GRK5: variants seen among roughly 807,000 people sequenced by gnomAD.
The protein encoded by GRK5 is g protein-coupled receptor kinase GRK5.
Under a neutral mutation model 78.4 loss-of-function variants are expected in GRK5, and 40 were observed. The observed-to-expected ratio is 0.51, with a 90% confidence interval of 0.40 to 0.66. The LOEUF is 0.66. GRK5 is among the 30% of genes least tolerant of loss of function. The pLI is 0.00. For synonymous variants in GRK5, 289 were observed against 296.8 expected (o/e 0.97, Z 0.27); for missense variants, 598 against 759.9 (o/e 0.79, Z 2.50).
intron 1 of GRK5, among the ~76,000 whole-genome samples, chr10:119,326,089 C>T (rs1383781285): frequency 6.6e-6 from 1 of 152,238 alleles, no homozygotes; most frequent in Non-Finnish European, 1.5e-5. Context: ...CCACAGAAAG[C>T]AAGAGGACAA....
At chr10:119,222,176 A>G (rs74681894) in intron 1 of GRK5, among the ~76,000 whole-genome samples, 2,111 of 152,296 alleles carry the variant, frequency 0.014, 21 homozygotes, top group Non-Finnish European at 0.02. Context: ...CCAAGATCAC[A>G]TACCAAGGAG....
At chr10:119,364,071 C>T (rs750671945) in intron 2 of GRK5, among the ~76,000 whole-genome samples, 2 of 152,158 alleles carry the variant, frequency 1.3e-5, no homozygotes, top group Non-Finnish European at 2.9e-5. Flanking sequence ...GCAGGGGTGG[C>T]GGGTATTTCT....
intron 1 of GRK5, among the ~76,000 whole-genome samples, chr10:119,221,157 GA>G (rs74495139): frequency 1.1e-3 from 160 of 144,448 alleles, no homozygotes; most frequent in African/African-American, 2.5e-3. Flanking sequence ...CTATATCTCG[GA>G]AAAAAAAAAA....
At chr10:119,427,562 G>GCCATCATCAGCACCACCA (rs1564931070) in intron 6 of GRK5, among the ~76,000 whole-genome samples, 17 of 147,528 alleles carry the variant, frequency 1.2e-4, no homozygotes, top group Non-Finnish European at 2.4e-4. Context: ...CAGTATCACC[G>GCCATCATCAGCACCACCA]CCATCATCAG....
intron 1 of GRK5, among the ~76,000 whole-genome samples, chr10:119,322,378 G>T (rs1563285): frequency 1.6e-4 from 24 of 152,308 alleles, no homozygotes; most frequent in African/African-American, 5.8e-4. Flanking sequence ...CCACCCAGTG[G>T]TGACAATTAA....
intron 4 of GRK5, among the ~76,000 whole-genome samples, chr10:119,409,725 C>T (rs1025520401): frequency 6.6e-6 from 1 of 152,184 alleles, no homozygotes; most frequent in African/African-American, 2.4e-5. Flanking sequence ...CCCCCCAACC[C>T]CTTTATTTTG....
chr10:119,385,149 G>A (rs78742752), intron 3 of GRK5, among the ~76,000 whole-genome samples: 7,761 of 152,206 alleles, frequency 0.051, 348 homozygotes, highest in East Asian at 0.22. Flanking sequence ...AGGAGAGGAG[G>A]TGATCATGTA....
Position 119,432,085 on chromosome 10 carries a change from C to T in GRK5, c.738+558C>T, listed in dbSNP as rs545690287. Among the ~76,000 whole-genome samples the T allele has an allele frequency of 6.0e-4, 91 of 152,332 alleles. 3 individuals are homozygous for T. In the South Asian group the frequency reaches 0.018, roughly 30 times the overall value. On this transcript the variant is annotated intron_variant, in intron 8 of 15. Coordinates refer to ENST00000392870, the MANE Select transcript of GRK5 (RefSeq NM_005308.3). Reference sequence around the variant, plus strand: ...GCCACCCTCCTCCATCTAACAGCTGCCCCATCTGGAGCCTTGAAAGTGAGT... The same window carrying T: ...GCCACCCTCCTCCATCTAACAGCTGTCCCATCTGGAGCCTTGAAAGTGAGT...
At chr10:119,216,503 C>T (rs907070892) in intron 1 of GRK5, among the ~76,000 whole-genome samples, 4 of 152,104 alleles carry the variant, frequency 2.6e-5, no homozygotes, top group Admixed American at 2.6e-4. Flanking sequence ...GATGGGGAAA[C>T]TGAGATGAAA....
At position 119,448,029 on chromosome 10, in the gene GRK5, G is replaced by T. The variant is rs1853190084; in HGVS notation, c.1267-94G>T. 3 of 1,413,478 alleles carry T rather than the reference G, an allele frequency of 2.1e-6. No homozygotes were observed. In the East Asian group the frequency reaches 8.2e-5, roughly 39 times the overall value. 87.6% of individuals were successfully genotyped at this position (1,413,478 alleles called of 1,614,324 possible). ...TTGCAGGGTGGGGCAGCGTGTCTTG[G>T]GTTCCTAGGCATGGTGCAGACACTG... On this transcript the variant is annotated intron_variant, in intron 12 of 15. Transcript: ENST00000392870.
At position 119,354,213 on chromosome 10, in the gene GRK5, C is replaced by T. The variant is rs183035548; in HGVS notation, c.149-26602C>T. Among the ~76,000 whole-genome samples the T allele has an allele frequency of 4.0e-5, 6 of 151,846 alleles. No homozygotes were observed. In the East Asian group the frequency reaches 1.2e-3, roughly 29 times the overall value. On this transcript the variant is annotated intron_variant, in intron 2 of 15. Coordinates refer to ENST00000392870, the MANE Select transcript of GRK5 (RefSeq NM_005308.3). ...GTCAAGCAAATTAATACATGCATCA[C>T]CTCTCATAGTTACCTTTGTCCGTGG...
At chr10:119,357,646 G>A (rs1249162197) in intron 2 of GRK5, among the ~76,000 whole-genome samples, 1 of 152,162 alleles carries the variant, frequency 6.6e-6, no homozygotes, top group Non-Finnish European at 1.5e-5. Flanking sequence ...TAGCAATAGC[G>A]GCTCACACTC....
At chr10:119,215,299 A>G (rs1380517964) in intron 1 of GRK5, among the ~76,000 whole-genome samples, 2 of 152,270 alleles carry the variant, frequency 1.3e-5, no homozygotes, top group Non-Finnish European at 2.9e-5. Context: ...TCATTGCAGA[A>G]AGCTCATCGG....
chr10:119,436,149 C>G (rs1852914300), intron 8 of GRK5, among the ~76,000 whole-genome samples: 1 of 152,232 alleles, frequency 6.6e-6, no homozygotes, highest in African/African-American at 2.4e-5. Flanking sequence ...CAGAGCCAAA[C>G]CATATCAACT....
At chr10:119,251,422 T>TA (rs1208256737) in intron 1 of GRK5, among the ~76,000 whole-genome samples, 1 of 152,274 alleles carries the variant, frequency 6.6e-6, no homozygotes, top group Non-Finnish European at 1.5e-5. Context: ...TTCAAGAACA[T>TA]ACTCAGAACT....
At chr10:119,400,254 G>T (rs1852126319) in intron 4 of GRK5, among the ~76,000 whole-genome samples, 1 of 152,224 alleles carries the variant, frequency 6.6e-6, no homozygotes, top group African/African-American at 2.4e-5. Flanking sequence ...TGTGCTCAGG[G>T]AAGTGTGGGG....
chr10:119,424,424 G>A (rs555724984), intron 5 of GRK5, among the ~76,000 whole-genome samples: 36 of 152,252 alleles, frequency 2.4e-4, no homozygotes, highest in Middle Eastern at 3.4e-3. Flanking sequence ...CCCAGGGCTC[G>A]GCCTGGCACC....
intron 4 of GRK5, among the ~76,000 whole-genome samples, chr10:119,405,888 A>G (rs1422291187): frequency 6.6e-6 from 1 of 152,256 alleles, no homozygotes; most frequent in African/African-American, 2.4e-5. Flanking sequence ...AACTTAAAAT[A>G]GATGCGTTTT....
At position 119,295,590 on chromosome 10, in the gene GRK5, G is replaced by T. The variant is rs142210144; in HGVS notation, c.53-30926G>T. Among the ~76,000 whole-genome samples, 472 of 151,282 alleles carry T rather than the reference G, an allele frequency of 3.1e-3. 10 individuals carry two copies. In the East Asian group the frequency reaches 0.063, roughly 20 times the overall value. On this transcript the variant is annotated intron_variant, in intron 1 of 15. Coordinates refer to ENST00000392870, the MANE Select transcript of GRK5 (RefSeq NM_005308.3). ...ATCAATGAGTAGATAAAGAAACTGA[G>T]ATATATATATATATGATGGAATACT...
Sources: allele counts gnomAD v4.1 joint callset (sites outside exome capture counted in the v4.1 genomes callset), GRCh38; gene constraint gnomAD v4.1.1; transcripts MANE v1.5; gene names NCBI Gene and HGNC (gene_info 2026-07-23, HGNC 2026-07-21).